The following MAP1B variants were observed in gnomAD, a reference collection of about 807,000 sequenced individuals.
The protein encoded by MAP1B is microtubule-associated protein 1B.
A neutral mutation model predicts 176.1 loss-of-function variants in MAP1B; 12 were observed. The observed-to-expected ratio is 0.07, with a 90% CI of 0.04 to 0.11. MAP1B has a LOEUF of 0.11. Among genes scored for constraint, MAP1B ranks in the 10% least tolerant of loss-of-function variants. MAP1B has a pLI of 1.00. For missense variants in MAP1B, 2,523 were observed against 2,990.5 expected (o/e 0.84, Z 3.65); for synonymous variants, 1,044 against 1,135.0 (o/e 0.92, Z 1.61).
Position 72,107,671 on chromosome 5 carries a change from T to G in MAP1B, c.140T>G (p.Val47Gly). The G allele has an allele frequency of 6.2e-7, 1 of 1,600,036 alleles. No homozygotes were observed. The highest frequency in any genetic ancestry group is 8.5e-7 in the Non-Finnish European group (1 of 1,179,626). Residue 47 changes from valine (V) to glycine (G), a missense_variant, in exon 1 of 7, where the codon GTG becomes GGG. Around this residue, in one of 4 missense-constraint regions of MAP1B, gnomAD observed 307 missense variants for 438.4 expected, o/e 0.70. Transcript: ENST00000296755. ...TTGCTGGTGGTCGTCGGCGAGATCG[T>G]GACCGAGGAGCACCTGCGGCGTGCC... is the stretch of plus-strand genomic sequence containing the variant. ...FYLLVVVGEIVTEEHLRRAIG... is the reference protein window; with the variant it reads ...FYLLVVVGEIGTEEHLRRAIG...
rs889521490 is a variant in MAP1B, at chr5:72,207,527, G to A, written c.*2288G>A. The A allele has an allele frequency of 6.6e-6, 1 of 152,066 alleles. No individual in the cohort carries two copies. The highest frequency in any genetic ancestry group is 1.5e-5 in the Non-Finnish European group (1 of 68,008). The allele number at this position is 152,066 out of a possible 1,614,324, so 9.4% of individuals were successfully genotyped here. On this transcript the variant is annotated 3_prime_UTR_variant, in exon 7 of 7. Transcript: ENST00000296755. ...ATTCTATTTTTGTTAGGCTTCTCTA[G>A]AAATGCAGCTTTTATTTATTACCCC... is the stretch of plus-strand genomic sequence containing the variant.
intron 2 of MAP1B, among the ~76,000 whole-genome samples, chr5:72,142,731 TA>T (rs113297811): frequency 2.3e-3 from 323 of 142,810 alleles, no homozygotes; most frequent in Middle Eastern, 3.7e-3. Flanking sequence ...AAGTTTCAAT[TA>T]AAAAAAAAAA....
rs939604578 is a variant in MAP1B, at chr5:72,204,339, T to C, written c.7251+538T>C. On this transcript the variant is annotated intron_variant, in intron 6 of 6. Transcript: ENST00000296755. This position sits in a 1 kb window ranked among gnomAD's most constrained non-coding sequence, Gnocchi z 4.4. Reference sequence around the variant, plus strand: ...CACAAACCATCCCTTATTTATTTAATGACAGGGTCTCCCTATGTTGCCCAG... The same window carrying C: ...CACAAACCATCCCTTATTTATTTAACGACAGGGTCTCCCTATGTTGCCCAG... 2.0e-5 allele frequency among the ~76,000 whole-genome samples: 3 copies of C among 152,212 alleles called. No homozygotes were observed. The highest frequency in any genetic ancestry group is 7.2e-5 in the African/African-American group (3 of 41,462).
Position 72,208,705 on chromosome 5 carries a change from A to G in MAP1B, c.*3466A>G, listed in dbSNP as rs1365120722. ...GCTTATGCAGTCTAGGAGCTTTCCA[A>G]TACTCATTTAATTAAGATTTAATCA... is the stretch of plus-strand genomic sequence containing the variant. On this transcript the variant is annotated 3_prime_UTR_variant, in exon 7 of 7. Coordinates refer to ENST00000296755, the MANE Select transcript of MAP1B (RefSeq NM_005909.5). 1 of 152,208 alleles carries G rather than the reference A, an allele frequency of 6.6e-6. No homozygotes were observed. The highest frequency in any genetic ancestry group is 6.5e-5 in the Admixed American group (1 of 15,280). 9.4% of individuals were successfully genotyped at this position (152,208 alleles called of 1,614,324 possible).
chr5:72,170,942 C>T lies in MAP1B; in HGVS notation c.287-12801C>T, dbSNP rs145359657. 7.0e-3 allele frequency among the ~76,000 whole-genome samples: 1,069 copies of T among 152,054 alleles called. 15 individuals carry two copies. Among genetic ancestry groups the T allele is most frequent in the African/African-American group, 0.025 (1,016 of 41,460 alleles). On this transcript the variant is annotated intron_variant, in intron 2 of 6. Transcript: ENST00000296755. ...AGCCTGGGCAACAAGAGCAAAACTC[C>T]ATCTCAAAAATAAAATAAAATAACA...
intron 2 of MAP1B, among the ~76,000 whole-genome samples, chr5:72,146,275 T>G (rs1189937799): frequency 1.3e-5 from 2 of 152,246 alleles, no homozygotes; most frequent in African/African-American, 4.8e-5. Context: ...TGGACTAGAT[T>G]GCTTTTTTCA....
chr5:72,194,122 A>G lies in MAP1B; in HGVS notation c.767A>G (p.Lys256Arg), dbSNP rs1225004311. 1 of 1,614,094 alleles carries G rather than the reference A, an allele frequency of 6.2e-7. No homozygotes were observed. Among genetic ancestry groups the G allele is most frequent in the Admixed American group, 1.7e-5 (1 of 60,004 alleles). Residue 256 changes from lysine (K) to arginine (R), a missense_variant, in exon 5 of 7, where the codon AAG becomes AGG. This residue lies in a region of MAP1B where 307 missense variants were observed against 438.4 expected (regional missense o/e 0.70). Coordinates refer to ENST00000296755, the MANE Select transcript of MAP1B (RefSeq NM_005909.5). The surrounding 1 kb of genome is among the most constrained non-coding windows in gnomAD (Gnocchi z 7.2). ...LEPPTSGGFL[K>R]LSKPCCYIFP... is the part of the protein sequence containing the mutation. The stretch of plus-strand genomic sequence containing the variant: ...CCTCCCACATCGGGTGGATTTCTGA[A>G]GCTCTCCAAGCCCTGCTGTTATATT...
At chr5:72,184,249 CT>C (rs764282276) in intron 3 of MAP1B, among the ~76,000 whole-genome samples, 8 of 152,162 alleles carry the variant, frequency 5.3e-5, no homozygotes, top group Non-Finnish European at 1.0e-4. Flanking sequence ...ATTCAGAGCT[CT>C]CCTGCACACT....
intron 2 of MAP1B, among the ~76,000 whole-genome samples, chr5:72,131,222 G>A (rs982795861): frequency 2.6e-5 from 4 of 152,110 alleles, no homozygotes; most frequent in East Asian, 1.9e-4. Flanking sequence ...AAACTGATGT[G>A]GTAAGGGGTA....
At chr5:72,168,565 C>T (rs1415997971) in intron 2 of MAP1B, among the ~76,000 whole-genome samples, 1 of 152,148 alleles carries the variant, frequency 6.6e-6, no homozygotes, top group African/African-American at 2.4e-5. Context: ...ATGCATGCTG[C>T]CTTTCTTAAG....
intron 2 of MAP1B, among the ~76,000 whole-genome samples, chr5:72,118,144 A>G (rs1222884531): frequency 6.6e-6 from 1 of 152,182 alleles, no homozygotes; most frequent in Non-Finnish European, 1.5e-5. Context: ...CCTGAAATGG[A>G]ATTAGCTGAA....
At chr5:72,121,846 C>G (rs1053247005) in intron 2 of MAP1B, among the ~76,000 whole-genome samples, 2 of 152,194 alleles carry the variant, frequency 1.3e-5, no homozygotes, top group African/African-American at 4.8e-5. Context: ...CCTGCTCCAA[C>G]CTTTAAACAA....
intron 1 of MAP1B, among the ~76,000 whole-genome samples, chr5:72,114,105 C>A (rs1414072187): frequency 6.6e-6 from 1 of 152,160 alleles, no homozygotes; most frequent in African/African-American, 2.4e-5. Flanking sequence ...GAAATTTCTG[C>A]CTGTATTTAG....
chr5:72,153,090 G>A (rs999749695), intron 2 of MAP1B, among the ~76,000 whole-genome samples: 5 of 152,186 alleles, frequency 3.3e-5, no homozygotes, highest in East Asian at 1.9e-4. Flanking sequence ...TATAAATTCC[G>A]ACCCGACTAT....
intron 1 of MAP1B, among the ~76,000 whole-genome samples, chr5:72,112,575 C>T (rs1481936414): frequency 2.0e-5 from 3 of 152,292 alleles, no homozygotes; most frequent in Non-Finnish European, 4.4e-5. Context: ...CCCTTGTGTG[C>T]ACTGCTACCA....
Position 72,168,759 on chromosome 5 carries a change from A to T in MAP1B, c.287-14984A>T, listed in dbSNP as rs576598968. 2.0e-5 allele frequency among the ~76,000 whole-genome samples: 3 copies of T among 152,342 alleles called. No homozygotes were observed. In the East Asian group the frequency reaches 5.8e-4, roughly 29 times the overall value. On this transcript the variant is annotated intron_variant, in intron 2 of 6. Coordinates refer to ENST00000296755, the MANE Select transcript of MAP1B (RefSeq NM_005909.5). ...TACCTTGTTTGACTTGCTCTTTGTCATGGGTTTCAGACCTGTTTCTCAGGA... is the reference window on the plus strand; with the variant it reads ...TACCTTGTTTGACTTGCTCTTTGTCTTGGGTTTCAGACCTGTTTCTCAGGA...
intron 2 of MAP1B, among the ~76,000 whole-genome samples, chr5:72,142,567 A>T (rs1745965643): frequency 6.6e-6 from 1 of 152,232 alleles, no homozygotes; most frequent in Non-Finnish European, 1.5e-5. Context: ...AGACAATTTA[A>T]AATATATTTA....
At chr5:72,180,514 A>G (rs762730757) in intron 2 of MAP1B, among the ~76,000 whole-genome samples, 1 of 152,160 alleles carries the variant, frequency 6.6e-6, no homozygotes, top group Non-Finnish European at 1.5e-5. Context: ...TTTGCTTTAA[A>G]TGCACATGGT....
rs371022249 is a variant in MAP1B, at chr5:72,145,431, A to T, written c.286+29632A>T. On this transcript the variant is annotated intron_variant, in intron 2 of 6. Transcript: ENST00000296755. Reference sequence around the variant, plus strand: ...TGTCATGCACCTGTCATTACACTGAATGAGTTCTTTTTCTCTCTTGATGGA... The same window carrying T: ...TGTCATGCACCTGTCATTACACTGATTGAGTTCTTTTTCTCTCTTGATGGA... Among the ~76,000 whole-genome samples, 4 of 151,994 alleles carry T rather than the reference A, an allele frequency of 2.6e-5. No individual in the cohort carries two copies. The East Asian group carries it at 7.7e-4, about 29-fold the overall frequency.
Sources: allele counts gnomAD v4.1 joint callset (sites outside exome capture counted in the v4.1 genomes callset), GRCh38; gene constraint gnomAD v4.1.1; regional missense constraint gnomAD v4.1.1; non-coding constraint Gnocchi (gnomAD v3.1); transcripts MANE v1.5; gene names NCBI Gene and HGNC (gene_info 2026-07-23, HGNC 2026-07-21).